The following GRID1 variants were observed in gnomAD, a reference collection of about 807,000 sequenced individuals.
GRID1 encodes the protein glutamate ionotropic receptor delta type subunit 1.
A neutral mutation model predicts 98.0 loss-of-function variants in GRID1; 28 were observed. The observed-to-expected ratio is 0.29, with a 90% CI of 0.21 to 0.39. GRID1 has a LOEUF of 0.39. Among genes scored for constraint, GRID1 ranks in the 10% least tolerant of loss-of-function variants. The probability of loss-of-function intolerance (pLI) is 1.00; values close to 1 mark genes in which losing one functional copy is unlikely to be tolerated. For missense variants in GRID1, 1,111 were observed against 1,340.5 expected, an observed-to-expected ratio of 0.83 and a Z score of 2.67; for synonymous variants, 553 against 538.5, an observed-to-expected ratio of 1.03 and a Z score of -0.37.
intron 4 of GRID1, among the ~76,000 whole-genome samples, chr10:86,042,433 G>A (rs1327559759): frequency 6.6e-6 from 1 of 152,206 alleles, no homozygotes; most frequent in Non-Finnish European, 1.5e-5. Context: ...ACCAGGAAGA[G>A]GGGCTTCACC....
chr10:86,322,105 A>G (rs1242453481), intron 2 of GRID1, among the ~76,000 whole-genome samples: 1 of 152,144 alleles, frequency 6.6e-6, no homozygotes, highest in African/African-American at 2.4e-5. Flanking sequence ...CTGGGAACCA[A>G]ACATTTCATC....
intron 5 of GRID1, among the ~76,000 whole-genome samples, chr10:85,889,366 C>T (rs886137704): frequency 1.3e-5 from 2 of 152,158 alleles, no homozygotes; most frequent in Non-Finnish European, 2.9e-5. Flanking sequence ...TTCTGGTAAC[C>T]ACTGTTCTAC....
At chr10:86,129,005 C>T (rs1303632092) in intron 4 of GRID1, among the ~76,000 whole-genome samples, 1 of 152,204 alleles carries the variant, frequency 6.6e-6, no homozygotes, top group African/African-American at 2.4e-5. Context: ...GGTGAGAAAG[C>T]GGGGCAAGAA....
At chr10:86,013,772 G>A (rs982933354) in intron 4 of GRID1, among the ~76,000 whole-genome samples, 1 of 152,202 alleles carries the variant, frequency 6.6e-6, no homozygotes, top group African/African-American at 2.4e-5. Flanking sequence ...TGATAAGACA[G>A]ACATAGAGGG....
At chr10:86,189,932 C>G (rs1845777184) in intron 3 of GRID1, among the ~76,000 whole-genome samples, 1 of 152,150 alleles carries the variant, frequency 6.6e-6, no homozygotes, top group South Asian at 2.1e-4. Flanking sequence ...TCACCTAACC[C>G]TCCTTGCTAA....
chr10:85,845,388 T>C (rs1842996184), intron 8 of GRID1, among the ~76,000 whole-genome samples: 1 of 152,166 alleles, frequency 6.6e-6, no homozygotes, highest in African/African-American at 2.4e-5. Flanking sequence ...TACAAAACTT[T>C]ACTGAGAGAA....
chr10:85,831,310 A>T (rs1842865366), intron 8 of GRID1, among the ~76,000 whole-genome samples: 1 of 152,058 alleles, frequency 6.6e-6, no homozygotes, highest in African/African-American at 2.4e-5. Flanking sequence ...GAGGGAGAGG[A>T]TTGAAAAGCT....
In GRID1 at chr10:85,855,710, T is replaced by C. The variant is rs199879590; in HGVS notation, c.1113+319A>G. 3.9e-5 allele frequency among the ~76,000 whole-genome samples: 6 copies of C among 152,312 alleles called. No individual in the cohort carries two copies. In the East Asian group the frequency reaches 7.7e-4, roughly 20 times the overall value. On this transcript the variant is annotated intron_variant, in intron 7 of 15. Transcript: ENST00000327946. ...GTTTCTTGGGGAGTGGTGTTCTGCA[T>C]AGAGGGGTACCTTGCAGACACGGGA...
chr10:85,899,016 G>A (rs1243607332), intron 5 of GRID1, among the ~76,000 whole-genome samples: 3 of 152,118 alleles, frequency 2.0e-5, no homozygotes, highest in African/African-American at 7.2e-5. Context: ...GTAATGTACT[G>A]CACTATGACA....
chr10:86,163,993 C>T (rs1375854610), intron 3 of GRID1, among the ~76,000 whole-genome samples: 1 of 152,084 alleles, frequency 6.6e-6, no homozygotes, highest in African/African-American at 2.4e-5. Context: ...GGCCTGAGGC[C>T]CCTGCACCAC....
chr10:85,623,409 A>C (rs1012115453), intron 13 of GRID1, among the ~76,000 whole-genome samples: 2 of 152,150 alleles, frequency 1.3e-5, no homozygotes, highest in Non-Finnish European at 2.9e-5. Context: ...ATCCTGCCCC[A>C]CAAAAACTCT....
At chr10:86,004,819 T>C (rs1166418485) in intron 4 of GRID1, among the ~76,000 whole-genome samples, 1 of 152,030 alleles carries the variant, frequency 6.6e-6, no homozygotes, top group African/African-American at 2.4e-5. Flanking sequence ...TTGCCCAGTA[T>C]TGCAGCAGCT....
At chr10:86,221,233 G>A (rs1358020313) in intron 2 of GRID1, among the ~76,000 whole-genome samples, 2 of 152,212 alleles carry the variant, frequency 1.3e-5, no homozygotes, top group African/African-American at 4.8e-5. Flanking sequence ...CAGATGCTCA[G>A]AGAAAATTGA....
intron 8 of GRID1, among the ~76,000 whole-genome samples, chr10:85,847,499 A>C (rs1386001911): frequency 6.6e-6 from 1 of 152,242 alleles, no homozygotes; most frequent in Non-Finnish European, 1.5e-5. Context: ...ATTAAAGCTC[A>C]GAGAAAAAAG....
intron 4 of GRID1, among the ~76,000 whole-genome samples, chr10:85,927,564 C>T (rs1276021645): frequency 6.6e-6 from 1 of 151,950 alleles, no homozygotes; most frequent in Non-Finnish European, 1.5e-5. Flanking sequence ...CTTATATCTC[C>T]AGCTTGAGAA....
intron 1 of GRID1, among the ~76,000 whole-genome samples, chr10:86,364,346 A>G (rs973870342): frequency 6.6e-6 from 1 of 152,184 alleles, no homozygotes; most frequent in Non-Finnish European, 1.5e-5. Flanking sequence ...CACATCCCAC[A>G]GGCTGCCACC....
intron 3 of GRID1, among the ~76,000 whole-genome samples, chr10:86,170,485 A>G (rs1845467882): frequency 6.6e-6 from 1 of 152,194 alleles, no homozygotes; most frequent in South Asian, 2.1e-4. Context: ...CCCCCAGGAG[A>G]GGGCAATGCC....
At chr10:85,857,508 C>T (rs1183083994) in intron 6 of GRID1, among the ~76,000 whole-genome samples, 2 of 152,024 alleles carry the variant, frequency 1.3e-5, no homozygotes, top group Non-Finnish European at 2.9e-5. Flanking sequence ...TTCACACCAC[C>T]CCAGCCCTCC....
intron 4 of GRID1, among the ~76,000 whole-genome samples, chr10:86,043,191 T>TCCCAAGC (rs779932148): frequency 1.6e-4 from 25 of 152,116 alleles, no homozygotes; most frequent in Non-Finnish European, 1.0e-4. Flanking sequence ...GGGAACATTC[T>TCCCAAGC]CCCAAGCCCC....
Sources: gnomAD v4.1 joint callset for allele counts (sites outside exome capture counted in the v4.1 genomes callset) on GRCh38, gnomAD v4.1.1 for gene constraint, MANE v1.5 for transcripts, NCBI Gene and HGNC (gene_info 2026-07-23, HGNC 2026-07-21) for gene names.